The following PPP4R3A variants were observed in gnomAD, a reference collection of about 807,000 sequenced individuals.
PPP4R3A encodes serine/threonine-protein phosphatase 4 regulatory subunit 3A.
In PPP4R3A, 15 loss-of-function variants were observed where a neutral mutation model predicts 91.7. The observed-to-expected ratio is 0.16, with a 90% CI of 0.11 to 0.25. The LOEUF is 0.25. Among genes scored for constraint, PPP4R3A ranks in the 10% least tolerant of loss-of-function variants. The pLI is 1.00. For synonymous variants in PPP4R3A, 377 were observed against 348.7 expected (o/e 1.08, Z -0.91); for missense variants, 623 against 998.4 (o/e 0.62, Z 5.07).
chr14:91,490,900 ATTTTT>A (rs36126220), intron 1 of PPP4R3A, 98 bp from the exon 2 acceptor site: 20 of 278,712 alleles, frequency 7.2e-5, no homozygotes, highest in East Asian at 1.8e-4. Flanking sequence ...AATAATAATA[ATTTTT>A]TTTTTTTTTT....
chr14:91,481,960 A>G lies in PPP4R3A; in HGVS notation c.531T>C (p.Phe177=), dbSNP rs753712916. The stretch of plus-strand genomic sequence containing the variant: ...TATTTTCCAAATCTTCACACACATG[A>G]AAAAGCTCCAGGAGCTTTTTAATAT... The part of the protein sequence containing the change: ...EGYIKKLLEL[F]HVCEDLENIE... Residue 177 remains phenylalanine, a synonymous_variant, in exon 4 of 15, where the codon TTT becomes TTC. Coordinates refer to ENST00000554943, the MANE Select transcript of PPP4R3A (RefSeq NM_001366432.2). 1.2e-6 allele frequency: 2 copies of G among 1,613,936 alleles called. No individual in the cohort carries two copies. The highest frequency in any genetic ancestry group is 8.5e-7 in the Non-Finnish European group (1 of 1,180,012).
chr14:91,485,536 T>G, intron 3 of PPP4R3A, 96 bp downstream of exon 3: 1 of 833,376 alleles, frequency 1.2e-6, no homozygotes, highest in South Asian at 1.7e-5. Context: ...AAAGATCAAT[T>G]TGAAATTTAT....
chr14:91,490,246 G>C (rs116809935), intron 2 of PPP4R3A, among the ~76,000 whole-genome samples: 11 of 152,288 alleles, frequency 7.2e-5, no homozygotes, highest in Non-Finnish European at 1.3e-4. Context: ...AAAGGTTTAA[G>C]AAAGTGTATT....
intron 10 of PPP4R3A, 42 bp downstream of exon 10, chr14:91,470,795 A>C: frequency 6.3e-7 from 1 of 1,584,508 alleles, no homozygotes; most frequent in Non-Finnish European, 8.5e-7. Context: ...AAAAATACCA[A>C]CATGTCAATA....
chr14:91,487,713 GTTTT>G (rs10590794), intron 2 of PPP4R3A, among the ~76,000 whole-genome samples: 74,350 of 151,162 alleles, frequency 0.49, 18,524 homozygotes, highest in Admixed American at 0.53. Context: ...GGACACTTCT[GTTTT>G]TTTTTGTTTG....
At chr14:91,490,574 A>T (rs983390705) in intron 2 of PPP4R3A, among the ~76,000 whole-genome samples, 173 bp downstream of exon 2, 2 of 152,104 alleles carry the variant, frequency 1.3e-5, no homozygotes. Context: ...AGCTTTTTAA[A>T]TTTAAAATTA....
chr14:91,486,248 TTG>T (rs201943229), intron 2 of PPP4R3A, among the ~76,000 whole-genome samples: 1,206 of 101,696 alleles, frequency 0.012, 8 homozygotes, highest in East Asian at 0.036. Flanking sequence ...ATAGGTTTTT[TTG>T]TTTTTTTTTT....
At chr14:91,496,333 G>A (rs938632750) in intron 1 of PPP4R3A, among the ~76,000 whole-genome samples, 1 of 152,124 alleles carries the variant, frequency 6.6e-6, no homozygotes, top group Non-Finnish European at 1.5e-5. Context: ...TAAGAAGTCA[G>A]AAACACATAG....
At chr14:91,459,825 A>G (rs1480147774) in intron 14 of PPP4R3A, among the ~76,000 whole-genome samples, 1 of 111,650 alleles carries the variant, frequency 9.0e-6, no homozygotes, top group East Asian at 2.7e-4. Context: ...ACAGACTGAG[A>G]CTCTGTCAAA....
chr14:91,465,455 C>A, intron 10 of PPP4R3A, 36 bp from the exon 11 acceptor site: 2 of 1,523,596 alleles, frequency 1.3e-6, no homozygotes, highest in Middle Eastern at 1.8e-4. Context: ...AAATCACATA[C>A]CACTCTTCCA....
At chr14:91,459,211 T>A (rs1887971299) in intron 14 of PPP4R3A, among the ~76,000 whole-genome samples, 1 of 152,032 alleles carries the variant, frequency 6.6e-6, no homozygotes, top group Non-Finnish European at 1.5e-5. Context: ...TTCAAGCAAT[T>A]CTCCCTGCCT....
rs1888470184 is a variant in PPP4R3A, at chr14:91,466,412, G to A, written c.1661-993C>T. 6.1e-6 allele frequency: 6 copies of A among 985,610 alleles called. No homozygotes were observed. In the Admixed American group the frequency reaches 2.5e-4, roughly 40 times the overall value. The allele number at this position is 985,610 out of a possible 1,614,324, so 61.1% of individuals were successfully genotyped here. ...GGTAGCCAGGCAACCATGCTGACAC[G>A]GTTTCTGGGTGGGAAGGCAGAGGAG... On this transcript the variant is annotated intron_variant, in intron 10 of 14. Coordinates refer to ENST00000554943, the MANE Select transcript of PPP4R3A (RefSeq NM_001366432.2).
chr14:91,500,217 T>C (rs1890853993), intron 1 of PPP4R3A, among the ~76,000 whole-genome samples: 1 of 11,222 alleles, frequency 8.9e-5, no homozygotes, highest in Non-Finnish European at 1.5e-4. Flanking sequence ...CTCAATACTT[T>C]TTTTTGAGAC....
At chr14:91,482,277 ATGT>A in intron 3 of PPP4R3A, 84 bp from the exon 4 acceptor site, 1 of 1,391,182 alleles carries the variant, frequency 7.2e-7, no homozygotes, top group African/African-American at 1.5e-5. Flanking sequence ...AATACTAGAA[ATGT>A]TGTAAGAAAC....
rs1888547253 is a variant in PPP4R3A at position 91,467,545 on chromosome 14, T to C, written c.1661-2126A>G. Among the ~76,000 whole-genome samples, 3 of 151,968 alleles carry C rather than the reference T, an allele frequency of 2.0e-5. No individual in the cohort carries two copies. The South Asian group carries it at 6.2e-4, about 31-fold the overall frequency. ...AATGATAATTGAATAAATGCCTCTATAATAAAGCTTTATTTCACTCCTTTT... is the reference window on the plus strand; with the variant it reads ...AATGATAATTGAATAAATGCCTCTACAATAAAGCTTTATTTCACTCCTTTT... On this transcript the variant is annotated intron_variant, in intron 10 of 14. Coordinates refer to ENST00000554943, the MANE Select transcript of PPP4R3A (RefSeq NM_001366432.2).
At position 91,458,485 on chromosome 14, in the gene PPP4R3A, T is replaced by A; in HGVS notation, c.*274A>T. 2.1e-6 allele frequency: 1 copy of A among 486,158 alleles called. No homozygotes were observed. Among genetic ancestry groups the A allele is most frequent in the Non-Finnish European group, 3.8e-6 (1 of 266,168 alleles). 30.1% of individuals were successfully genotyped at this position (486,158 alleles called of 1,614,324 possible). A position where few individuals can be genotyped will look rare whatever the true frequency, so the allele number is the denominator to read the frequency against. On this transcript the variant is annotated 3_prime_UTR_variant, in exon 15 of 15. Coordinates refer to ENST00000554943, the MANE Select transcript of PPP4R3A (RefSeq NM_001366432.2). ...AGTTCCACTTACAAAACCCCTGCCC[T>A]GTTGGCTTTTTGTTTCCATTTCCTT... is the stretch of plus-strand genomic sequence containing the variant.
At chr14:91,487,902 G>A (rs144227530) in intron 2 of PPP4R3A, among the ~76,000 whole-genome samples, 13 of 152,258 alleles carry the variant, frequency 8.5e-5, no homozygotes, top group Admixed American at 3.3e-4. Context: ...TTGTAGAGGC[G>A]GAGTTATGCC....
intron 14 of PPP4R3A, among the ~76,000 whole-genome samples, chr14:91,460,774 C>G (rs1207652319): frequency 6.6e-6 from 1 of 151,770 alleles, no homozygotes; most frequent in African/African-American, 2.4e-5. Context: ...GCGCCCGCCA[C>G]CACGCCTGGC....
Position 91,481,597 on chromosome 14 carries a change from T to C in PPP4R3A, c.894A>G (p.Val298=). The C allele has an allele frequency of 6.3e-7, 1 of 1,580,630 alleles. No homozygotes were observed. The highest frequency in any genetic ancestry group is 1.2e-5 in the South Asian group (1 of 84,570). The change falls in exon 4 of 15, where the codon GTA becomes GTG. Residue 298 remains valine, a synonymous_variant. Transcript: ENST00000554943. The part of the protein sequence containing the change: ...TLHSFIFFNK[V]EIVGMLQEDE... ...TCACCTGCAACATGCCAACAATCTCTACCTTATTGAAAAAGATAAAAGAGT... is the reference window on the plus strand; with the variant it reads ...TCACCTGCAACATGCCAACAATCTCCACCTTATTGAAAAAGATAAAAGAGT...
Sources: gnomAD v4.1 joint callset for allele counts (sites outside exome capture counted in the v4.1 genomes callset) on GRCh38, gnomAD v4.1.1 for gene constraint, MANE v1.5 for transcripts, NCBI Gene and HGNC (gene_info 2026-07-23, HGNC 2026-07-21) for gene names.